The following CFAP54 variants were observed in gnomAD, a reference collection of about 807,000 sequenced individuals.
The protein encoded by CFAP54 is cilia- and flagella-associated protein 54.
Under a neutral mutation model 370.4 loss-of-function variants are expected in CFAP54, and 290 were observed. That is an observed-to-expected ratio of 0.78 (90% CI 0.71 to 0.86). The LOEUF (loss-of-function observed/expected upper bound fraction) is 0.86, where lower values mean the gene tolerates loss of function less well. Ranked by LOEUF, CFAP54 falls within the 40% of genes least tolerant of loss-of-function variation. CFAP54 has a pLI of 0.00. For missense variants in CFAP54, 3,399 were observed against 3,528.7 expected, an observed-to-expected ratio of 0.96 and a Z score of 0.93; for synonymous variants, 1,206 against 1,236.5, an observed-to-expected ratio of 0.98 and a Z score of 0.52.
At chr12:96,559,470 G>A (rs1014617486) in intron 17 of CFAP54, among the ~76,000 whole-genome samples, 1 of 152,030 alleles carries the variant, frequency 6.6e-6, no homozygotes, top group Non-Finnish European at 1.5e-5. Context: ...CAATTTTTGA[G>A]CCTTCAGAAA....
At chr12:96,602,824 TC>T (rs1282820975) in intron 26 of CFAP54, among the ~76,000 whole-genome samples, 1 of 152,220 alleles carries the variant, frequency 6.6e-6, no homozygotes, top group Non-Finnish European at 1.5e-5. Context: ...TCTTCCTTTA[TC>T]CCTTTATTTT....
chr12:96,558,788 T>G (rs1213911660), intron 17 of CFAP54, among the ~76,000 whole-genome samples: 1 of 152,164 alleles, frequency 6.6e-6, no homozygotes, highest in Non-Finnish European at 1.5e-5. Flanking sequence ...CAAGATACCA[T>G]TGGGGAAAAT....
chr12:96,651,995 G>C (rs2136504436), intron 36 of CFAP54, among the ~76,000 whole-genome samples, 180 bp downstream of exon 36: 1 of 151,946 alleles, frequency 6.6e-6, no homozygotes, highest in South Asian at 2.1e-4. Flanking sequence ...ACTAACAATA[G>C]CTTAGCCTGA....
chr12:96,836,455 G>C (rs1959186479), intron 66 of CFAP54, among the ~76,000 whole-genome samples: 1 of 152,146 alleles, frequency 6.6e-6, no homozygotes. Flanking sequence ...AATAGAACAT[G>C]TTATTTTATT....
intron 25 of CFAP54, among the ~76,000 whole-genome samples, 175 bp downstream of exon 25, chr12:96,594,621 A>G (rs762786969): frequency 5.3e-5 from 8 of 152,214 alleles, no homozygotes; most frequent in African/African-American, 1.2e-4. Flanking sequence ...GTCTGGGCAC[A>G]TATAGATAAG....
At chr12:96,517,016 T>C (rs998150306) in intron 5 of CFAP54, among the ~76,000 whole-genome samples, 4 of 151,800 alleles carry the variant, frequency 2.6e-5, no homozygotes, top group Non-Finnish European at 5.9e-5. Context: ...TTTTTTTTTT[T>C]CCATGAAGAG....
chr12:96,756,958 A>G (rs1222770286), intron 57 of CFAP54, among the ~76,000 whole-genome samples: 3 of 152,184 alleles, frequency 2.0e-5, no homozygotes, highest in Admixed American at 6.5e-5. Context: ...TTCTGTATGA[A>G]TATCACCTCA....
intron 55 of CFAP54, among the ~76,000 whole-genome samples, chr12:96,751,437 G>A (rs568445667): frequency 6.6e-6 from 1 of 151,944 alleles, no homozygotes; most frequent in Non-Finnish European, 1.5e-5. Context: ...TTATCATATT[G>A]TATATCATAC....
intron 32 of CFAP54, among the ~76,000 whole-genome samples, chr12:96,638,202 TGC>T (rs753932719): frequency 0.11 from 14,097 of 131,682 alleles, 836 homozygotes; most frequent in Middle Eastern, 0.16. Flanking sequence ...TATATATATA[TGC>T]ATGTGTGTGT....
chr12:96,631,235 A>G (rs1437580281), intron 32 of CFAP54, among the ~76,000 whole-genome samples: 1 of 151,516 alleles, frequency 6.6e-6, no homozygotes, highest in Non-Finnish European at 1.5e-5. Flanking sequence ...AAATTATGAC[A>G]TATTTTTAGA....
At chr12:96,546,821 T>TC (rs199839063) in intron 14 of CFAP54, among the ~76,000 whole-genome samples, 1,451 of 139,206 alleles carry the variant, frequency 0.01, 26 homozygotes, top group African/African-American at 0.035. Context: ...AGTGTGAGAC[T>TC]CCATCTCAAA....
At chr12:96,806,664 A>G (rs779085532) in intron 63 of CFAP54, among the ~76,000 whole-genome samples, 12 of 152,084 alleles carry the variant, frequency 7.9e-5, no homozygotes, top group African/African-American at 1.2e-4. Flanking sequence ...ATCAACTTAG[A>G]TGTTGGAAGT....
In CFAP54 at chr12:96,811,861, A is replaced by T. The variant is rs1427182435; in HGVS notation, c.8957+19A>T. 4 of 1,350,018 alleles carry T rather than the reference A, an allele frequency of 3.0e-6. No homozygotes were observed. The highest frequency in any genetic ancestry group is 4.0e-6 in the Non-Finnish European group (4 of 1,003,248). The allele number at this position is 1,350,018 out of a possible 1,614,324, so 83.6% of individuals were successfully genotyped here. A position where few individuals can be genotyped will look rare whatever the true frequency, so the allele number is the denominator to read the frequency against. ...TGAATAGGCAAGTAAAAATTCCACA[A>T]CTCGAATTGTCTTTGTTGTTATCTC... On this transcript the variant is annotated intron_variant, in intron 64 of 67. Coordinates refer to ENST00000524981, the MANE Select transcript of CFAP54 (RefSeq NM_001306084.2).
chr12:96,516,958 C>T (rs539490336), intron 5 of CFAP54, among the ~76,000 whole-genome samples: 2 of 150,818 alleles, frequency 1.3e-5, no homozygotes, highest in African/African-American at 2.4e-5. Context: ...CATGCTCTTA[C>T]TGGGGCCATG....
chr12:96,729,458 T>C (rs984331193), intron 50 of CFAP54, among the ~76,000 whole-genome samples: 8 of 152,238 alleles, frequency 5.3e-5, no homozygotes, highest in East Asian at 1.9e-4. Flanking sequence ...ATCAGCAAGA[T>C]TCCATGGGCG....
intron 36 of CFAP54, among the ~76,000 whole-genome samples, chr12:96,655,031 C>A (rs1592690699): frequency 6.6e-6 from 1 of 151,236 alleles, no homozygotes; most frequent in African/African-American, 2.4e-5. Context: ...TGTGAATGGC[C>A]AAAAAAATTT....
chr12:96,783,336 A>C lies in CFAP54; in HGVS notation c.8282-1381A>C, dbSNP rs182121290. Among the ~76,000 whole-genome samples the C allele has an allele frequency of 3.9e-5, 6 of 152,308 alleles. No individual in the cohort carries two copies. The East Asian group carries it at 1.2e-3, about 29-fold the overall frequency. On this transcript the variant is annotated intron_variant, in intron 60 of 67. Coordinates refer to ENST00000524981, the MANE Select transcript of CFAP54 (RefSeq NM_001306084.2). ...CAAGGTGGGTGGTGAGTACATGGAG[A>C]TTCATCTTATTCAAGAAAACATGCA... is the stretch of plus-strand genomic sequence containing the variant.
intron 22 of CFAP54, among the ~76,000 whole-genome samples, chr12:96,584,786 C>T (rs1462686151): frequency 1.3e-5 from 2 of 152,144 alleles, no homozygotes; most frequent in Non-Finnish European, 2.9e-5. Context: ...GCAGCAGAGT[C>T]CAAGCAGCTC....
At chr12:96,761,745 CTT>C (rs572406706) in intron 58 of CFAP54, among the ~76,000 whole-genome samples, 6 of 152,080 alleles carry the variant, frequency 3.9e-5, no homozygotes, top group Admixed American at 6.5e-5. Context: ...GTTGCAAAGA[CTT>C]ATCCTTTTCT....
Sources: allele counts gnomAD v4.1 joint callset (sites outside exome capture counted in the v4.1 genomes callset), GRCh38; gene constraint gnomAD v4.1.1; transcripts MANE v1.5; gene names NCBI Gene and HGNC (gene_info 2026-07-23, HGNC 2026-07-21).